Variants in FRMPD4 observed in about 807,000 individuals in gnomAD.
The protein encoded by FRMPD4 is FERM and PDZ domain containing 4.
Under a neutral mutation model 94.1 loss-of-function variants are expected in FRMPD4, and 22 were observed. That is an observed-to-expected ratio of 0.23 (90% CI 0.17 to 0.33). The LOEUF (loss-of-function observed/expected upper bound fraction) is 0.33. FRMPD4 is among the 10% of genes least tolerant of loss of function. The pLI is 1.00. For missense variants in FRMPD4, 1,111 were observed against 1,339.9 expected (o/e 0.83, Z 2.67); for synonymous variants, 631 against 548.6 (o/e 1.15, Z -2.10).
intron 1 of FRMPD4, among the ~76,000 whole-genome samples, chrX:12,196,240 C>T (rs1601686072): frequency 9.0e-6 from 1 of 111,658 alleles, no homozygotes; most frequent in African/African-American, 3.2e-5. Flanking sequence ...ATAGCAATGG[C>T]TGAGGTGGTT....
intron 4 of FRMPD4, among the ~76,000 whole-genome samples, chrX:12,637,394 G>A (rs1228268381): frequency 1.8e-5 from 2 of 112,482 alleles, no homozygotes; most frequent in African/African-American, 6.5e-5. Flanking sequence ...TGGAGGCCAG[G>A]TGTGGTGGCT....
At chrX:12,241,346 A>C (rs760418445) in intron 1 of FRMPD4, among the ~76,000 whole-genome samples, 9 of 112,434 alleles carry the variant, frequency 8.0e-5, no homozygotes, top group Non-Finnish European at 1.7e-4. Flanking sequence ...AGTTGCATGG[A>C]AAATGGAAGG....
chrX:12,411,642 G>A (rs1429553825), intron 1 of FRMPD4, among the ~76,000 whole-genome samples: 1 of 112,054 alleles, frequency 8.9e-6, no homozygotes, highest in African/African-American at 3.2e-5. Flanking sequence ...GCTAAAGCGT[G>A]GGAAATGTGC....
In FRMPD4 at chrX:12,510,489, A is replaced by G. The variant is rs772271256; in HGVS notation, c.158+11693A>G. Among the ~76,000 whole-genome samples the G allele has an allele frequency of 1.1e-4, 12 of 112,087 alleles. No homozygotes were observed. The South Asian group carries it at 3.0e-3, about 28-fold the overall frequency. ...TAATGTCAGACATAAGAAATACACA[A>G]AACAGGATAATGTCAGCAAGATGGC... On this transcript the variant is annotated intron_variant, in intron 2 of 16. Transcript: ENST00000675598.
At chrX:11,898,073 C>A (rs186230776) in intron 3 of FRMPD4, among the ~76,000 whole-genome samples, 3 of 111,338 alleles carry the variant, frequency 2.7e-5, no homozygotes, top group African/African-American at 9.8e-5. Context: ...CATGTAGGAG[C>A]AGTTCAAGGT....
chrX:12,571,656 C>G (rs1383130389), intron 2 of FRMPD4, among the ~76,000 whole-genome samples: 1 of 112,707 alleles, frequency 8.9e-6, no homozygotes, highest in Non-Finnish European at 1.9e-5. Flanking sequence ...CTCTTTCTTC[C>G]CCTTCCAGCA....
intron 1 of FRMPD4, among the ~76,000 whole-genome samples, chrX:12,265,555 G>A (rs2054259180): frequency 9.0e-6 from 1 of 111,530 alleles, no homozygotes; most frequent in Non-Finnish European, 1.9e-5. Flanking sequence ...CTACCCCTTG[G>A]GGAAATTTTC....
At chrX:12,682,702 G>A (rs1485278649) in intron 5 of FRMPD4, among the ~76,000 whole-genome samples, 1 of 112,085 alleles carries the variant, frequency 8.9e-6, no homozygotes, top group Non-Finnish European at 1.9e-5. Flanking sequence ...GGATGCCCCA[G>A]TATCACAGCA....
chrX:11,911,294 G>A (rs193158587), intron 3 of FRMPD4, among the ~76,000 whole-genome samples: 2 of 112,257 alleles, frequency 1.8e-5, no homozygotes, highest in African/African-American at 6.5e-5. Context: ...TACTGACTTC[G>A]TTTGTCTCTG....
At chrX:12,280,479 C>A (rs189939118) in intron 1 of FRMPD4, among the ~76,000 whole-genome samples, 1 of 110,041 alleles carries the variant, frequency 9.1e-6, no homozygotes, top group East Asian at 2.9e-4. Flanking sequence ...CATTCCTGGG[C>A]AGCCCAGGCC....
At chrX:11,974,460 T>A (rs2054356964) in intron 3 of FRMPD4, among the ~76,000 whole-genome samples, 1 of 112,032 alleles carries the variant, frequency 8.9e-6, no homozygotes, top group Non-Finnish European at 1.9e-5. Flanking sequence ...ATGCTTCTTG[T>A]ACAACCTGCA....
At chrX:12,059,352 G>A (rs1326882200) in intron 3 of FRMPD4, among the ~76,000 whole-genome samples, 1 of 111,598 alleles carries the variant, frequency 9.0e-6, no homozygotes, top group Non-Finnish European at 1.9e-5. Flanking sequence ...ATTCATGATT[G>A]TCCTATCTTG....
intron 1 of FRMPD4, among the ~76,000 whole-genome samples, chrX:11,859,970 A>G (rs1403040033): frequency 1.8e-5 from 2 of 111,695 alleles, no homozygotes; most frequent in Non-Finnish European, 3.8e-5. Context: ...CCTACCCTTT[A>G]TACTGGAGGA....
At chrX:11,945,673 G>T (rs1374867335) in intron 3 of FRMPD4, among the ~76,000 whole-genome samples, 2 of 111,466 alleles carry the variant, frequency 1.8e-5, no homozygotes, top group Admixed American at 1.9e-4. Flanking sequence ...GTCACATGGA[G>T]AGAGAGAGGA....
intron 3 of FRMPD4, among the ~76,000 whole-genome samples, chrX:12,091,644 G>A (rs1304611071): frequency 9.0e-6 from 1 of 111,343 alleles, no homozygotes; most frequent in Non-Finnish European, 1.9e-5. Context: ...TCATTCTGGG[G>A]TGATTGTATC....
At chrX:12,100,550 C>T (rs6640889) in intron 3 of FRMPD4, among the ~76,000 whole-genome samples, 21,835 of 110,299 alleles carry the variant, frequency 0.2, 1,701 homozygotes, top group South Asian at 0.36. Flanking sequence ...AAAAAAGTAG[C>T]TGACTGTTGA....
At chrX:12,667,769 C>T (rs1298139784) in intron 4 of FRMPD4, among the ~76,000 whole-genome samples, 8 of 111,650 alleles carry the variant, frequency 7.2e-5, no homozygotes, top group African/African-American at 2.6e-4. Context: ...TCAAGGGACT[C>T]TGCATCAAAA....
chrX:12,171,709 G>A (rs1165379173), intron 1 of FRMPD4, among the ~76,000 whole-genome samples: 2 of 112,212 alleles, frequency 1.8e-5, no homozygotes, highest in Admixed American at 9.4e-5. Context: ...GCCGATGAGC[G>A]TGGGACTTCA....
At chrX:12,415,637 G>A (rs1486398047) in intron 1 of FRMPD4, among the ~76,000 whole-genome samples, 1 of 111,362 alleles carries the variant, frequency 9.0e-6, no homozygotes, top group African/African-American at 3.3e-5. Context: ...ATTTAAATAT[G>A]ATTATTAATA....
Sources: gnomAD v4.1 joint callset for allele counts (sites outside exome capture counted in the v4.1 genomes callset) on GRCh38, gnomAD v4.1.1 for gene constraint, MANE v1.5 for transcripts, NCBI Gene and HGNC (gene_info 2026-07-23, HGNC 2026-07-21) for gene names.